SHISA9: variants seen among roughly 807,000 people sequenced by gnomAD.
SHISA9 encodes the protein shisa family member 9, also known as protein shisa-9.
A neutral mutation model predicts 38.0 loss-of-function variants in SHISA9; 13 were observed. That is an observed-to-expected ratio of 0.34 (90% CI 0.22 to 0.54). SHISA9 has a LOEUF of 0.54. Ranked by LOEUF, SHISA9 falls within the 20% of genes least tolerant of loss-of-function variation. The pLI is 0.91. For synonymous variants in SHISA9, 275 were observed against 242.0 expected, an observed-to-expected ratio of 1.14 and a Z score of -1.27; for missense variants, 538 against 575.8, an observed-to-expected ratio of 0.93 and a Z score of 0.67.
chr16:12,990,951 A>G (rs2072377015), intron 2 of SHISA9, among the ~76,000 whole-genome samples: 1 of 152,238 alleles, frequency 6.6e-6, no homozygotes, highest in African/African-American at 2.4e-5. Context: ...AGATCTTGAA[A>G]CACAATATCA....
chr16:12,921,869 TGTA>T (rs1405654526), intron 2 of SHISA9, among the ~76,000 whole-genome samples: 1 of 152,208 alleles, frequency 6.6e-6, no homozygotes, highest in Non-Finnish European at 1.5e-5. Context: ...TGTAAGATAG[TGTA>T]ATATCAGCAG....
chr16:13,232,790 T>C (rs2856624), intron 4 of SHISA9, among the ~76,000 whole-genome samples: 2 of 152,014 alleles, frequency 1.3e-5, no homozygotes, highest in African/African-American at 4.8e-5. Context: ...AGAAAGGGAA[T>C]GTTCAGGTGA....
chr16:13,258,142 C>A, the SHISA9 span, among the ~76,000 whole-genome samples: 1 of 152,190 alleles, frequency 6.6e-6, no homozygotes, highest in Non-Finnish European at 1.5e-5. Flanking sequence ...TAGTTTCCCT[C>A]CCCTACAACT....
the SHISA9 span, among the ~76,000 whole-genome samples, chr16:13,263,102 C>A: frequency 3.9e-5 from 6 of 152,170 alleles, no homozygotes; most frequent in Admixed American, 3.9e-4. Flanking sequence ...ACCCCATTCC[C>A]AGAGCCTTCA....
At chr16:13,220,542 G>C (rs1472281121) in intron 4 of SHISA9, among the ~76,000 whole-genome samples, 1 of 152,152 alleles carries the variant, frequency 6.6e-6, no homozygotes, top group Non-Finnish European at 1.5e-5. Flanking sequence ...ACAGCCAAGA[G>C]GAAGGTGACA....
At chr16:13,145,555 T>C (rs1048212116) in intron 2 of SHISA9, among the ~76,000 whole-genome samples, 6 of 152,132 alleles carry the variant, frequency 3.9e-5, no homozygotes, top group Admixed American at 3.3e-4. Flanking sequence ...AAAAAGGTAG[T>C]TGTGTGGCTG....
At chr16:13,478,403 G>T in the SHISA9 span, among the ~76,000 whole-genome samples, 1 of 152,160 alleles carries the variant, frequency 6.6e-6, no homozygotes, top group Non-Finnish European at 1.5e-5. Flanking sequence ...TAAGAACCAG[G>T]CTTTCCCTGT....
chr16:13,559,197 A>G, the SHISA9 span, among the ~76,000 whole-genome samples: 1 of 152,116 alleles, frequency 6.6e-6, no homozygotes, highest in Non-Finnish European at 1.5e-5. Flanking sequence ...AGTTTATTTA[A>G]ATTATTTGCA....
At chr16:13,493,950 C>T in the SHISA9 span, among the ~76,000 whole-genome samples, 3 of 150,476 alleles carry the variant, frequency 2.0e-5, no homozygotes, top group Non-Finnish European at 4.4e-5. Flanking sequence ...CCCCAAGGGC[C>T]TTCAGGTTCT....
chr16:13,134,142 T>C (rs1333063902), intron 2 of SHISA9, among the ~76,000 whole-genome samples: 1 of 152,176 alleles, frequency 6.6e-6, no homozygotes, highest in Non-Finnish European at 1.5e-5. Context: ...AAGAAGTGGG[T>C]AGTAGCACCA....
At chr16:13,554,116 A>T in the SHISA9 span, among the ~76,000 whole-genome samples, 1 of 152,108 alleles carries the variant, frequency 6.6e-6, no homozygotes, top group Admixed American at 6.5e-5. Context: ...TCCTCTTGGT[A>T]ATAAAAAGCA....
chr16:13,098,478 T>A (rs1194792553), intron 2 of SHISA9, among the ~76,000 whole-genome samples: 1 of 152,218 alleles, frequency 6.6e-6, no homozygotes, highest in Non-Finnish European at 1.5e-5. Flanking sequence ...GCTGGCCCTG[T>A]GTTTTCCCTC....
chr16:13,333,938 CTG>C, the SHISA9 span, among the ~76,000 whole-genome samples: 1 of 152,198 alleles, frequency 6.6e-6, no homozygotes, highest in Non-Finnish European at 1.5e-5. Context: ...TAGCTCCAGA[CTG>C]TCTCTGTTGT....
At chr16:13,175,583 G>T (rs1308845058) in intron 2 of SHISA9, among the ~76,000 whole-genome samples, 1 of 152,104 alleles carries the variant, frequency 6.6e-6, no homozygotes, top group Non-Finnish European at 1.5e-5. Context: ...AGAAGGTGAA[G>T]GTTACTGTGA....
intron 2 of SHISA9, chr16:13,082,311 T>C (rs1056514198): frequency 1.3e-5 from 2 of 152,226 alleles, no homozygotes; most frequent in Non-Finnish European, 2.9e-5. Context: ...AATCAAGTTA[T>C]GATGCCCAGT....
the SHISA9 span, among the ~76,000 whole-genome samples, chr16:13,542,190 G>GC: frequency 1.8e-3 from 269 of 152,294 alleles, 1 homozygote; most frequent in African/African-American, 6.1e-3. Context: ...GAGGGAGCAT[G>GC]CCCCTGCTGA....
intron 2 of SHISA9, among the ~76,000 whole-genome samples, chr16:12,949,082 G>T (rs2071722446): frequency 6.6e-6 from 1 of 152,180 alleles, no homozygotes; most frequent in African/African-American, 2.4e-5. Flanking sequence ...AGTGTCTGAT[G>T]CATGATAGGT....
chr16:12,925,607 A>G (rs2071384161), intron 2 of SHISA9, among the ~76,000 whole-genome samples: 1 of 152,186 alleles, frequency 6.6e-6, no homozygotes, highest in Non-Finnish European at 1.5e-5. Flanking sequence ...TGCCTTTCCC[A>G]AGTGCTTCCA....
At chr16:13,027,423 C>T in intron 2 of SHISA9, among the ~76,000 whole-genome samples, 1 of 152,052 alleles carries the variant, frequency 6.6e-6, no homozygotes, top group East Asian at 1.9e-4. Flanking sequence ...AGCATGCAAC[C>T]CAGCAATTTT....
Sources: allele counts gnomAD v4.1 joint callset (sites outside exome capture counted in the v4.1 genomes callset), GRCh38; gene constraint gnomAD v4.1.1; transcripts MANE v1.5; gene names NCBI Gene and HGNC (gene_info 2026-07-23, HGNC 2026-07-21).